Variants in STAG1 observed in about 807,000 individuals in gnomAD.
STAG1 encodes the protein STAG1 cohesin complex component.
In STAG1, 26 loss-of-function variants were observed where a neutral mutation model predicts 170.9. That is an observed-to-expected ratio of 0.15 (90% CI 0.11 to 0.21). STAG1 has a LOEUF of 0.21. Ranked by LOEUF, STAG1 falls within the 10% of genes least tolerant of loss-of-function variation. The pLI is 1.00. For missense variants in STAG1, 964 were observed against 1,509.5 expected (o/e 0.64, Z 5.99); for synonymous variants, 514 against 497.7 (o/e 1.03, Z -0.44).
intron 15 of STAG1, among the ~76,000 whole-genome samples, chr3:136,439,376 T>A (rs1268248166): frequency 7.0e-6 from 1 of 143,648 alleles, no homozygotes; most frequent in African/African-American, 2.6e-5. Context: ...GATTTTGCTG[T>A]AAAACACCCC....
Position 136,336,879 on chromosome 3 carries a change from G to C in STAG1, c.*1375C>G, listed in dbSNP as rs1017386778. The C allele has an allele frequency of 2.6e-5, 4 of 152,174 alleles. No individual in the cohort carries two copies. The highest frequency in any genetic ancestry group is 2.0e-4 in the Admixed American group (3 of 15,274). 9.4% of individuals were successfully genotyped at this position (152,174 alleles called of 1,614,324 possible). On this transcript the variant is annotated 3_prime_UTR_variant, in exon 34 of 34. Transcript: ENST00000383202. Reference sequence around the variant, plus strand: ...GGGAAAGCCTCATGATTCTGTTGCAGCTACTTTAAAAACCAGCCCAGAAAC... The same window carrying C: ...GGGAAAGCCTCATGATTCTGTTGCACCTACTTTAAAAACCAGCCCAGAAAC...
At chr3:136,596,299 C>A (rs1017155476) in intron 4 of STAG1, among the ~76,000 whole-genome samples, 2 of 152,158 alleles carry the variant, frequency 1.3e-5, no homozygotes, top group Non-Finnish European at 2.9e-5. Context: ...CTTGATCAGT[C>A]GGCAGCTATC....
At chr3:136,692,217 G>C (rs945127404) in intron 1 of STAG1, among the ~76,000 whole-genome samples, 43 of 149,684 alleles carry the variant, frequency 2.9e-4, no homozygotes, top group African/African-American at 1.1e-3. Flanking sequence ...AGGAAGCTGA[G>C]GCAGGAGAAT....
chr3:136,580,826 C>G (rs1377969750), intron 4 of STAG1, among the ~76,000 whole-genome samples: 2 of 152,102 alleles, frequency 1.3e-5, no homozygotes, highest in Non-Finnish European at 2.9e-5. Context: ...AGCCACCGCA[C>G]CCGGCCTCTT....
chr3:136,744,837 A>G (rs1170593568), intron 1 of STAG1, among the ~76,000 whole-genome samples: 1 of 151,854 alleles, frequency 6.6e-6, no homozygotes, highest in African/African-American at 2.4e-5. Context: ...CACCACACCC[A>G]GCTAATTTTT....
chr3:136,641,067 T>C (rs913958521), intron 1 of STAG1, among the ~76,000 whole-genome samples: 2 of 152,220 alleles, frequency 1.3e-5, no homozygotes, highest in African/African-American at 2.4e-5. Context: ...TTCATATAAA[T>C]ATGAAACTGT....
intron 4 of STAG1, among the ~76,000 whole-genome samples, chr3:136,595,212 C>G (rs1292853935): frequency 1.3e-5 from 2 of 152,136 alleles, no homozygotes; most frequent in African/African-American, 4.8e-5. Flanking sequence ...CAAAATTCAA[C>G]ATGTATTTAA....
At chr3:136,702,437 A>G (rs1038295212) in intron 1 of STAG1, among the ~76,000 whole-genome samples, 4 of 152,120 alleles carry the variant, frequency 2.6e-5, no homozygotes, top group Admixed American at 2.0e-4. Flanking sequence ...CCCAGGCTGG[A>G]GTGCAATGGC....
At chr3:136,438,992 T>C (rs2088544127) in intron 15 of STAG1, among the ~76,000 whole-genome samples, 3 of 151,546 alleles carry the variant, frequency 2.0e-5, no homozygotes, top group South Asian at 2.1e-4. Context: ...AGGTCAGTAG[T>C]TCGAGACCAG....
chr3:136,495,532 T>C (rs995834067), intron 9 of STAG1, among the ~76,000 whole-genome samples: 39 of 152,184 alleles, frequency 2.6e-4, no homozygotes, highest in African/African-American at 8.7e-4. Flanking sequence ...ATCAAGAATA[T>C]CAGCCAGGTG....
At chr3:136,469,825 A>G (rs765046101) in intron 12 of STAG1, among the ~76,000 whole-genome samples, 1 of 152,216 alleles carries the variant, frequency 6.6e-6, no homozygotes, top group Non-Finnish European at 1.5e-5. Context: ...CTCACAAATA[A>G]TATCACACAT....
chr3:136,746,667 A>G (rs1008973919), intron 1 of STAG1, among the ~76,000 whole-genome samples: 4 of 152,186 alleles, frequency 2.6e-5, no homozygotes, highest in Admixed American at 6.5e-5. Flanking sequence ...TATTCTCTTC[A>G]TAAGAATTCT....
At chr3:136,492,396 A>T (rs1473187490) in intron 9 of STAG1, among the ~76,000 whole-genome samples, 1 of 152,246 alleles carries the variant, frequency 6.6e-6, no homozygotes, top group Non-Finnish European at 1.5e-5. Flanking sequence ...AAGACTCAAG[A>T]AAGGTGAGTC....
At chr3:136,449,903 T>TG (rs1391140733) in intron 14 of STAG1, among the ~76,000 whole-genome samples, 1 of 149,198 alleles carries the variant, frequency 6.7e-6, no homozygotes, top group East Asian at 1.9e-4. Context: ...ATTGTTGCTT[T>TG]TTTTTTTTTT....
At chr3:136,529,885 T>C (rs907743129) in intron 6 of STAG1, among the ~76,000 whole-genome samples, 10 of 152,148 alleles carry the variant, frequency 6.6e-5, no homozygotes, top group African/African-American at 1.9e-4. Flanking sequence ...AAGGGTCACA[T>C]AGTAATATTA....
intron 4 of STAG1, among the ~76,000 whole-genome samples, chr3:136,593,640 G>A (rs1938293043): frequency 6.6e-6 from 1 of 152,212 alleles, no homozygotes. Context: ...TTTTACATAT[G>A]AGAGAAATAA....
chr3:136,675,776 T>A (rs1194602181), intron 1 of STAG1, among the ~76,000 whole-genome samples: 1 of 152,090 alleles, frequency 6.6e-6, no homozygotes, highest in Non-Finnish European at 1.5e-5. Context: ...TTCATATACA[T>A]GAAATCATAT....
intron 5 of STAG1, among the ~76,000 whole-genome samples, chr3:136,549,500 C>T (rs1936297902): frequency 6.6e-6 from 1 of 152,156 alleles, no homozygotes; most frequent in South Asian, 2.1e-4. Context: ...AGGGTTTCAC[C>T]ATGTTGGCCA....
intron 6 of STAG1, among the ~76,000 whole-genome samples, chr3:136,537,419 T>G (rs1490203338): frequency 6.6e-6 from 1 of 152,028 alleles, no homozygotes; most frequent in Non-Finnish European, 1.5e-5. Flanking sequence ...CATTCCTCAC[T>G]GGTTTCTTAG....
Sources: allele counts gnomAD v4.1 joint callset (sites outside exome capture counted in the v4.1 genomes callset), GRCh38; gene constraint gnomAD v4.1.1; transcripts MANE v1.5; gene names NCBI Gene and HGNC (gene_info 2026-07-23, HGNC 2026-07-21).